ZNF385D: variants seen among roughly 807,000 people sequenced by gnomAD.
The protein encoded by ZNF385D is zinc finger protein 659.
ZNF385D carries 15 observed loss-of-function variants against 35.8 expected under a neutral mutation model. The ratio of observed to expected loss-of-function variants is 0.42; its 90% CI spans 0.28 to 0.64. The LOEUF (loss-of-function observed/expected upper bound fraction) is 0.64, where lower values mean the gene tolerates loss of function less well. ZNF385D is among the 30% of genes least tolerant of loss of function. The pLI is 0.23. For missense variants in ZNF385D, 474 were observed against 494.6 expected, an observed-to-expected ratio of 0.96 and a Z score of 0.39; for synonymous variants, 212 against 186.8, an observed-to-expected ratio of 1.13 and a Z score of -1.10.
At chr3:21,917,464 G>C (rs920697754) in intron 3 of ZNF385D, among the ~76,000 whole-genome samples, 1 of 152,132 alleles carries the variant, frequency 6.6e-6, no homozygotes, top group Admixed American at 6.5e-5. Context: ...ACCATTTCTA[G>C]AGAGAATGGT....
rs183399252 is a variant in ZNF385D, at chr3:21,873,032, G to A, written c.326-208004C>T. Among the ~76,000 whole-genome samples the A allele has an allele frequency of 6.5e-3, 983 of 152,064 alleles. 4 individuals are homozygous for A. The highest frequency in any genetic ancestry group is 0.01 in the Middle Eastern group (3 of 294). ...ACATACCCAGATCAAGTCAAGGTTC[G>A]GCATCATATAATAAAATTTAATTCT... On this transcript the variant is annotated intron_variant, in intron 3 of 5. Transcript: ENST00000494108.
At chr3:22,101,778 C>G (rs1701957304) in intron 3 of ZNF385D, among the ~76,000 whole-genome samples, 1 of 151,958 alleles carries the variant, frequency 6.6e-6, no homozygotes, top group African/African-American at 2.4e-5. Context: ...AAGATGAAAT[C>G]AAATATCAAG....
chr3:21,809,695 C>G, intron 3 of ZNF385D, among the ~76,000 whole-genome samples: 1 of 140,464 alleles, frequency 7.1e-6, no homozygotes, highest in African/African-American at 2.7e-5. Context: ...TACCTATATA[C>G]ATATATACAC....
rs560982379 is a variant in ZNF385D, at chr3:21,787,944, C to CAAAAAAAA, written c.326-122924_326-122917dup. Among the ~76,000 whole-genome samples, 66 of 75,382 alleles carry CAAAAAAAA rather than the reference C, an allele frequency of 8.8e-4. 4 individuals are homozygous for CAAAAAAAA. The highest frequency in any genetic ancestry group is 1.2e-3 in the Non-Finnish European group (52 of 42,634). The allele number at this position is 75,382 out of a possible 152,430, so 49.5% of individuals were successfully genotyped here. Reference sequence around the variant, plus strand: ...GCGACAGAGCGAGACTTCGTCTCAACAAAAAAAAAAAAAAAAAAAAAAAAA... The same window carrying CAAAAAAAA: ...GCGACAGAGCGAGACTTCGTCTCAACAAAAAAAAAAAAAAAAAAAAAAAAAAAAAAAAA... On this transcript the variant is annotated intron_variant, in intron 3 of 5. Coordinates refer to the ZNF385D transcript ENST00000494108.
intron 3 of ZNF385D, among the ~76,000 whole-genome samples, chr3:21,825,560 A>G (rs1332562838): frequency 3.3e-5 from 5 of 152,110 alleles, no homozygotes; most frequent in African/African-American, 9.7e-5. Context: ...TAGGCCCTAA[A>G]TTTTCACTCT....
At chr3:21,458,832 G>A (rs399821) in intron 4 of ZNF385D, among the ~76,000 whole-genome samples, 67,381 of 144,886 alleles carry the variant, frequency 0.47, 16,711 homozygotes, top group Middle Eastern at 0.63. Context: ...CGGGACTGAT[G>A]ATGAGTATGT....
intron 2 of ZNF385D, among the ~76,000 whole-genome samples, chr3:22,370,369 C>A (rs888172755): frequency 7.2e-5 from 11 of 152,308 alleles, no homozygotes; most frequent in African/African-American, 2.4e-4. Context: ...CAAAGAACGT[C>A]ATTCAAGATG....
chr3:21,846,051 C>A (rs1453401096), intron 3 of ZNF385D, among the ~76,000 whole-genome samples: 1 of 151,984 alleles, frequency 6.6e-6, no homozygotes, highest in Non-Finnish European at 1.5e-5. Context: ...AACATTTCTT[C>A]CCCAAAGTCT....
At chr3:22,067,746 G>T (rs2695622) in intron 3 of ZNF385D, among the ~76,000 whole-genome samples, 1 of 152,096 alleles carries the variant, frequency 6.6e-6, no homozygotes, top group Non-Finnish European at 1.5e-5. Context: ...ATATCTGGCT[G>T]GGCATGGTGG....
intron 4 of ZNF385D, among the ~76,000 whole-genome samples, chr3:21,477,852 T>C (rs1474924538): frequency 6.6e-6 from 1 of 152,174 alleles, no homozygotes; most frequent in African/African-American, 2.4e-5. Flanking sequence ...AATAAACATA[T>C]ATGGATAGCC....
Position 22,079,561 on chromosome 3 carries a change from C to G in ZNF385D, c.325+89256G>C, listed in dbSNP as rs576351265. On this transcript the variant is annotated intron_variant, in intron 3 of 5. Coordinates refer to the ZNF385D transcript ENST00000494108. ...AGGACAAAACAAAAAAGTTCCCTCA[C>G]CATTTCGCAAAGCAGGTCAGAGCTT... 1.1e-3 allele frequency among the ~76,000 whole-genome samples: 164 copies of G among 151,870 alleles called. 16 individuals are homozygous for G. Among genetic ancestry groups the G allele is most frequent in the Non-Finnish European group, 3.7e-4 (25 of 67,918 alleles).
intron 3 of ZNF385D, among the ~76,000 whole-genome samples, chr3:21,940,856 T>C (rs1056647105): frequency 6.6e-6 from 1 of 152,220 alleles, no homozygotes; most frequent in Non-Finnish European, 1.5e-5. Flanking sequence ...AGAAATAGTT[T>C]TGAATACTGC....
intron 3 of ZNF385D, among the ~76,000 whole-genome samples, chr3:22,162,718 T>C (rs1280998656): frequency 4.6e-5 from 7 of 152,210 alleles, no homozygotes; most frequent in African/African-American, 1.7e-4. Context: ...GAGCCTCATA[T>C]TTTGTATGCC....
chr3:22,183,356 A>AT lies in ZNF385D; in HGVS notation c.107-14322dup, dbSNP rs571265864. On this transcript the variant is annotated intron_variant, in intron 2 of 5. Transcript: ENST00000494108. The stretch of plus-strand genomic sequence containing the variant: ...AGAATGAGAAGTTATTTATTTACTT[A>AT]TTTTTTTAATTTGAGATGGAGTCTC... Among the ~76,000 whole-genome samples the AT allele has an allele frequency of 4.1e-4, 62 of 152,110 alleles. 1 individual carries two copies. Among genetic ancestry groups the AT allele is most frequent in the Non-Finnish European group, 7.9e-4 (54 of 67,966 alleles).
chr3:21,916,025 G>C (rs890923554), intron 3 of ZNF385D, among the ~76,000 whole-genome samples: 5 of 152,060 alleles, frequency 3.3e-5, no homozygotes, highest in African/African-American at 4.8e-5. Flanking sequence ...TATGCACTAG[G>C]TTTTGTTTTA....
At chr3:21,917,542 CAT>C (rs1559752159) in intron 3 of ZNF385D, among the ~76,000 whole-genome samples, 1 of 152,178 alleles carries the variant, frequency 6.6e-6, no homozygotes, top group Non-Finnish European at 1.5e-5. Context: ...CTACTGGTCT[CAT>C]ATGCTATGAC....
intron 1 of ZNF385D, among the ~76,000 whole-genome samples, chr3:21,691,075 C>G (rs79892696): frequency 1.4e-4 from 21 of 152,172 alleles, no homozygotes; most frequent in African/African-American, 4.3e-4. Flanking sequence ...TCTTTCCGCT[C>G]TAGCCTGGAC....
At chr3:21,660,746 A>G (rs1427899220) in intron 2 of ZNF385D, among the ~76,000 whole-genome samples, 1 of 152,192 alleles carries the variant, frequency 6.6e-6, no homozygotes, top group Non-Finnish European at 1.5e-5. Flanking sequence ...TTAAAAGCCA[A>G]CTATACCTCT....
intron 3 of ZNF385D, among the ~76,000 whole-genome samples, chr3:21,920,491 A>G (rs1411457965): frequency 6.6e-6 from 1 of 152,042 alleles, no homozygotes; most frequent in African/African-American, 2.4e-5. Flanking sequence ...TTGGGTTTCA[A>G]GAGACTTCAG....
Sources: gnomAD v4.1 joint callset for allele counts (sites outside exome capture counted in the v4.1 genomes callset) on GRCh38, gnomAD v4.1.1 for gene constraint, MANE v1.5 for transcripts, NCBI Gene and HGNC (gene_info 2026-07-23, HGNC 2026-07-21) for gene names.